ABCC1: variants seen among roughly 807,000 people sequenced by gnomAD.
The protein encoded by ABCC1 is multidrug resistance-associated protein 1.
In ABCC1, 83 loss-of-function variants were observed where a neutral mutation model predicts 172.9. That is an observed-to-expected ratio of 0.48 (90% CI 0.40 to 0.58). ABCC1 has a LOEUF of 0.58. ABCC1 is among the 20% of genes least tolerant of loss of function. The probability of loss-of-function intolerance (pLI) is 0.00; values close to 1 mark genes in which losing one functional copy is unlikely to be tolerated. For missense variants in ABCC1, 1,817 were observed against 2,002.7 expected, an observed-to-expected ratio of 0.91 and a Z score of 1.77; for synonymous variants, 937 against 825.2, an observed-to-expected ratio of 1.14 and a Z score of -2.32.
At chr16:16,023,870 G>T (rs902722035) in intron 5 of ABCC1, among the ~76,000 whole-genome samples, 1 of 152,162 alleles carries the variant, frequency 6.6e-6, no homozygotes, top group African/African-American at 2.4e-5. Context: ...AGAGCAACTG[G>T]CATGTGCAAA....
chr16:16,059,610 G>A (rs1314287814), intron 12 of ABCC1, among the ~76,000 whole-genome samples: 1 of 152,106 alleles, frequency 6.6e-6, no homozygotes, highest in Non-Finnish European at 1.5e-5. Context: ...ATTGAGACCA[G>A]CCTAGCCAAC....
chr16:16,111,094 T>C (rs1424640527), intron 21 of ABCC1, among the ~76,000 whole-genome samples: 2 of 152,166 alleles, frequency 1.3e-5, no homozygotes, highest in Admixed American at 6.5e-5. Context: ...AGGCAGGATT[T>C]TGCCATATTG....
intron 14 of ABCC1, 197 bp from the exon 15 acceptor site, chr16:16,076,129 G>A (rs1423553811): frequency 1.1e-5 from 6 of 568,838 alleles, no homozygotes; most frequent in South Asian, 4.7e-5. Context: ...TCTGCTTTCT[G>A]GGTCTGGGGC....
chr16:15,995,047 C>T (rs936894587), intron 1 of ABCC1, among the ~76,000 whole-genome samples: 1 of 151,216 alleles, frequency 6.6e-6, no homozygotes, highest in African/African-American at 2.4e-5. Flanking sequence ...AGGAGAATTG[C>T]TTGAACTCGG....
intron 19 of ABCC1, among the ~76,000 whole-genome samples, chr16:16,102,119 C>T (rs2051782677): frequency 6.6e-6 from 1 of 152,210 alleles, no homozygotes; most frequent in Non-Finnish European, 1.5e-5. Flanking sequence ...GGTCTAGGAA[C>T]TGAAGGGTTA....
chr16:16,095,340 A>G (rs917589451), intron 19 of ABCC1: 1 of 152,222 alleles, frequency 6.6e-6, no homozygotes, highest in Non-Finnish European at 1.5e-5. Context: ...GGAACCTAAT[A>G]CCTAGAGCAG....
At chr16:16,134,554 C>A in intron 28 of ABCC1, 46 bp downstream of exon 28, 1 of 1,606,826 alleles carries the variant, frequency 6.2e-7, no homozygotes, top group Non-Finnish European at 8.5e-7. Context: ...GCTGGCAAGC[C>A]CTATGATTGC....
chr16:15,986,399 A>G (rs1369693423), intron 1 of ABCC1, among the ~76,000 whole-genome samples: 1 of 152,146 alleles, frequency 6.6e-6, no homozygotes, highest in Non-Finnish European at 1.5e-5. Context: ...TGAGTCATGC[A>G]ACAGGAGCTG....
chr16:16,107,051 C>G (rs10852378), intron 21 of ABCC1, among the ~76,000 whole-genome samples, 178 bp downstream of exon 21: 147,320 of 152,236 alleles, frequency 0.97, 71,471 homozygotes, highest in East Asian at 1. Flanking sequence ...GACTTACTCA[C>G]GGTCACCCCT....
intron 1 of ABCC1, among the ~76,000 whole-genome samples, chr16:15,966,466 T>C (rs2046244842): frequency 6.6e-6 from 1 of 151,086 alleles, no homozygotes; most frequent in African/African-American, 2.4e-5. Context: ...CTTGTAAGGC[T>C]GGAGACCCGT....
intron 1 of ABCC1, among the ~76,000 whole-genome samples, chr16:15,977,193 T>C (rs1274462176): frequency 6.6e-6 from 1 of 152,182 alleles, no homozygotes; most frequent in Non-Finnish European, 1.5e-5. Flanking sequence ...TTCTTAGCTA[T>C]ATTCAAGAAA....
intron 23 of ABCC1, among the ~76,000 whole-genome samples, chr16:16,118,703 C>A (rs1463742375): frequency 6.6e-6 from 1 of 151,578 alleles, no homozygotes; most frequent in Non-Finnish European, 1.5e-5. Flanking sequence ...GTTCTAGGTG[C>A]ACTGTCGTTA....
chr16:16,014,770 A>C, intron 4 of ABCC1, 142 bp downstream of exon 4: 1 of 963,148 alleles, frequency 1.0e-6, no homozygotes, highest in Non-Finnish European at 1.5e-6. Context: ...TCCCTTGGTG[A>C]CTTTCCTACC....
chr16:16,026,129 G>A (rs1007014229), intron 5 of ABCC1, among the ~76,000 whole-genome samples: 1 of 151,952 alleles, frequency 6.6e-6, no homozygotes, highest in African/African-American at 2.4e-5. Context: ...GGCCTTCCAC[G>A]TCAGATAGAG....
rs564792996 is a variant in ABCC1, at chr16:16,025,456, T to A, written c.616-7653T>A. 7.2e-5 allele frequency among the ~76,000 whole-genome samples: 11 copies of A among 152,324 alleles called. No homozygotes were observed. In the South Asian group the frequency reaches 2.1e-3, roughly 29 times the overall value. ...AGTTCCCAGGTGCCACCGATGCTGG[T>A]GACAGAGCTGCGTTTGAGGATCACT... On this transcript the variant is annotated intron_variant, in intron 5 of 30. Transcript: ENST00000399410.
intron 6 of ABCC1, among the ~76,000 whole-genome samples, chr16:16,033,856 C>T (rs975124806): frequency 6.6e-6 from 1 of 151,906 alleles, no homozygotes; most frequent in South Asian, 2.1e-4. Flanking sequence ...AACTCCTGAC[C>T]TCAGGTGATC....
In ABCC1 at chr16:16,094,371, T is replaced by C. The variant is rs115749328; in HGVS notation, c.2644+3783T>C. 974 of 244,092 alleles carry C rather than the reference T, an allele frequency of 4.0e-3. 10 individuals are homozygous for C. Among genetic ancestry groups the C allele is most frequent in the African/African-American group, 0.021 (916 of 43,612 alleles). The allele number at this position is 244,092 out of a possible 1,614,324, so 15.1% of individuals were successfully genotyped here. On this transcript the variant is annotated intron_variant, in intron 19 of 30. Transcript: ENST00000399410. Reference sequence around the variant, plus strand: ...CCGACCTTGTGGCCAGCCCCACTTCTTGGCCTGGGTACATCTACCAACTCC... The same window carrying C: ...CCGACCTTGTGGCCAGCCCCACTTCCTGGCCTGGGTACATCTACCAACTCC...
At chr16:16,038,976 T>C (rs922657713) in intron 7 of ABCC1, among the ~76,000 whole-genome samples, 1 of 152,148 alleles carries the variant, frequency 6.6e-6, no homozygotes, top group Non-Finnish European at 1.5e-5. Context: ...GCCTGGCTCT[T>C]AATCCACTGA....
chr16:16,096,784 C>T (rs771620685), intron 19 of ABCC1, among the ~76,000 whole-genome samples: 2 of 152,148 alleles, frequency 1.3e-5, no homozygotes, highest in Non-Finnish European at 2.9e-5. Context: ...AATACACAGA[C>T]CCGGGGCAGC....
Sources: allele counts gnomAD v4.1 joint callset (sites outside exome capture counted in the v4.1 genomes callset), GRCh38; gene constraint gnomAD v4.1.1; transcripts MANE v1.5; gene names NCBI Gene and HGNC (gene_info 2026-07-23, HGNC 2026-07-21).